Variants in TLK1 observed in about 807,000 individuals in gnomAD.
The protein encoded by TLK1 is tousled like kinase 1.
A neutral mutation model predicts 105.3 loss-of-function variants in TLK1; 24 were observed. The observed-to-expected ratio is 0.23, with a 90% confidence interval of 0.17 to 0.32. TLK1 has a LOEUF of 0.32. Ranked by LOEUF, TLK1 falls within the 10% of genes least tolerant of loss-of-function variation. The probability of loss-of-function intolerance (pLI) is 1.00; values close to 1 mark genes in which losing one functional copy is unlikely to be tolerated. For missense variants in TLK1, 558 were observed against 910.5 expected (o/e 0.61, Z 4.98); for synonymous variants, 321 against 310.4 (o/e 1.03, Z -0.36).
intron 1 of TLK1, among the ~76,000 whole-genome samples, chr2:171,172,912 T>C (rs1370352960): frequency 3.3e-5 from 5 of 152,232 alleles, no homozygotes; most frequent in African/African-American, 1.2e-4. Context: ...TCATACCTTG[T>C]TGATAAACTG....
chr2:171,157,571 T>C (rs1208731322), intron 1 of TLK1, among the ~76,000 whole-genome samples: 11 of 152,202 alleles, frequency 7.2e-5, no homozygotes. Flanking sequence ...CCAAATCTTA[T>C]AGAGCTGTAT....
intron 18 of TLK1, among the ~76,000 whole-genome samples, chr2:171,004,317 T>C (rs1460242975): frequency 1.3e-5 from 2 of 152,042 alleles, no homozygotes; most frequent in Admixed American, 6.6e-5. Flanking sequence ...TTTCAAATTG[T>C]TGCAAATCTC....
chr2:171,105,786 T>C (rs902527768), intron 2 of TLK1, among the ~76,000 whole-genome samples: 7 of 152,018 alleles, frequency 4.6e-5, no homozygotes, highest in African/African-American at 1.7e-4. Flanking sequence ...ATAGCCATTA[T>C]GGAAAAAAAT....
In TLK1 at chr2:171,160,771, G is replaced by C. The variant is rs1575640906; in HGVS notation, c.-343C>G. 1.4e-5 allele frequency: 6 copies of C among 415,770 alleles called. No homozygotes were observed. The highest frequency in any genetic ancestry group is 4.5e-5 in the Admixed American group (1 of 22,390). 25.8% of individuals were successfully genotyped at this position (415,770 alleles called of 1,614,324 possible). A position where few individuals can be genotyped will look rare whatever the true frequency, so the allele number is the denominator to read the frequency against. ...CGCGGGCGGAGCGCGGGCTGCGCCG[G>C]CCGAGGACACTTCCGCGGGCGGAAC... On this transcript the variant is annotated 5_prime_UTR_variant, in exon 1 of 21. Transcript: ENST00000431350. The surrounding 1 kb of genome is among the most constrained non-coding windows in gnomAD (Gnocchi z 4.4).
intron 4 of TLK1, among the ~76,000 whole-genome samples, 171 bp from the exon 5 acceptor site, chr2:171,058,368 A>C (rs565889229): frequency 6.6e-6 from 1 of 152,260 alleles, no homozygotes; most frequent in East Asian, 1.9e-4. Flanking sequence ...CTTACAAATA[A>C]ATGATGTAAG....
rs369334123 is a variant in TLK1 at position 170,997,791 on chromosome 2, T to C, written c.1937A>G (p.Lys646Arg). 5.0e-6 allele frequency: 8 copies of C among 1,611,242 alleles called. No individual in the cohort carries two copies. The highest frequency in any genetic ancestry group is 1.3e-5 in the African/African-American group (1 of 74,992). ...YLPPECFVVG[K>R]EPPKISNKVD... ...CTTGTTGGAAATCTTTGGTGGCTCT[T>C]TTCCAACTACAAAACACTCAGGAGG... The change falls in exon 19 of 21, where the codon AAA becomes AGA. Residue 646 changes from lysine to arginine, a missense_variant. Around this residue, in one of 5 missense-constraint regions of TLK1, gnomAD observed 218 missense variants for 492.9 expected, o/e 0.44. Coordinates refer to ENST00000431350, the MANE Select transcript of TLK1 (RefSeq NM_012290.5).
At chr2:171,125,549 G>A (rs925319002) in intron 1 of TLK1, among the ~76,000 whole-genome samples, 1 of 152,114 alleles carries the variant, frequency 6.6e-6, no homozygotes, top group African/African-American at 2.4e-5. Context: ...AATAATGGCA[G>A]CACTGAAATT....
chr2:171,086,452 C>T (rs1362878564), intron 2 of TLK1, among the ~76,000 whole-genome samples: 1 of 151,940 alleles, frequency 6.6e-6, no homozygotes, highest in Non-Finnish European at 1.5e-5. Flanking sequence ...ATAGTGAAAC[C>T]CCGTCTCTAC....
Position 171,049,070 on chromosome 2 carries a change from T to G in TLK1, c.980+744A>C, listed in dbSNP as rs908838314. ...CATGTTCTCATGTATAAGTGGGAGCTAAACATTGGAGACACATGGACATAA... is the reference window on the plus strand; with the variant it reads ...CATGTTCTCATGTATAAGTGGGAGCGAAACATTGGAGACACATGGACATAA... On this transcript the variant is annotated intron_variant, in intron 10 of 20. Coordinates refer to ENST00000431350, the MANE Select transcript of TLK1 (RefSeq NM_012290.5). Among the ~76,000 whole-genome samples the G allele has an allele frequency of 4.6e-5, 7 of 152,110 alleles. No individual in the cohort carries two copies. In the East Asian group the frequency reaches 1.2e-3, roughly 25 times the overall value.
rs576269147 is a variant in TLK1 at position 171,059,730 on chromosome 2, G to A, written c.406+1351C>T. Among the ~76,000 whole-genome samples the A allele has an allele frequency of 9.6e-4, 146 of 152,276 alleles. 2 individuals carry two copies. The highest frequency in any genetic ancestry group is 6.8e-3 in the Middle Eastern group (2 of 294). ...ATTTATCCACAGACTGCGGGGAGTA[G>A]GGGAGATGGTTTTGGGATGAAACGG... On this transcript the variant is annotated intron_variant, in intron 4 of 20. Transcript: ENST00000431350.
At chr2:171,158,446 G>C (rs995938844) in intron 1 of TLK1, among the ~76,000 whole-genome samples, 2 of 152,194 alleles carry the variant, frequency 1.3e-5, no homozygotes, top group African/African-American at 4.8e-5. Context: ...TTTTTAAGTT[G>C]AAGTAACCTC....
chr2:171,013,332 T>G (rs1172634500), intron 13 of TLK1, among the ~76,000 whole-genome samples: 6 of 143,424 alleles, frequency 4.2e-5, no homozygotes, highest in African/African-American at 1.0e-4. Flanking sequence ...TTTTTTTTTT[T>G]TTTTTTTTTT....
intron 11 of TLK1, among the ~76,000 whole-genome samples, chr2:171,036,641 C>G (rs1686354893): frequency 6.6e-6 from 1 of 152,190 alleles, no homozygotes; most frequent in Non-Finnish European, 1.5e-5. Context: ...CATCAGATAC[C>G]TGGTTCCTCC....
intron 18 of TLK1, among the ~76,000 whole-genome samples, chr2:171,002,655 C>T (rs1205295098): frequency 1.3e-5 from 2 of 152,088 alleles, no homozygotes; most frequent in African/African-American, 2.4e-5. Context: ...TCTTTTGAGA[C>T]ATGTTCTCAC....
At chr2:171,027,630 CTATT>C (rs1372914318) in intron 12 of TLK1, among the ~76,000 whole-genome samples, 1 of 152,146 alleles carries the variant, frequency 6.6e-6, no homozygotes, top group South Asian at 2.1e-4. Flanking sequence ...AATAAGTTTG[CTATT>C]TATTTACAAT....
At chr2:171,034,514 T>C (rs764893143) in intron 11 of TLK1, among the ~76,000 whole-genome samples, 2 of 152,216 alleles carry the variant, frequency 1.3e-5, no homozygotes, top group Non-Finnish European at 2.9e-5. Context: ...AGTCATTTTA[T>C]ATACAACATT....
intron 3 of TLK1, among the ~76,000 whole-genome samples, chr2:171,063,128 A>T (rs896102735): frequency 4.6e-5 from 7 of 152,074 alleles, no homozygotes; most frequent in Non-Finnish European, 7.4e-5. Flanking sequence ...GGCAGATCAT[A>T]TGAGGTCAGG....
intron 1 of TLK1, among the ~76,000 whole-genome samples, chr2:171,126,098 A>G (rs1690855177): frequency 6.6e-6 from 1 of 152,192 alleles, no homozygotes; most frequent in Non-Finnish European, 1.5e-5. Context: ...CCATTCTTAA[A>G]GAATAGCCCA....
At chr2:171,171,968 C>T (rs1192544324) in intron 1 of TLK1, among the ~76,000 whole-genome samples, 2 of 152,132 alleles carry the variant, frequency 1.3e-5, no homozygotes, top group Non-Finnish European at 2.9e-5. Flanking sequence ...AGCACATGTA[C>T]AAGAATGTTC....
Sources: gnomAD v4.1 joint callset for allele counts (sites outside exome capture counted in the v4.1 genomes callset) on GRCh38, gnomAD v4.1.1 for gene constraint, gnomAD v4.1.1 regional missense constraint, Gnocchi (gnomAD v3.1) non-coding constraint, MANE v1.5 for transcripts, NCBI Gene and HGNC (gene_info 2026-07-23, HGNC 2026-07-21) for gene names.